DTNA: variants seen among roughly 807,000 people sequenced by gnomAD.
The protein encoded by DTNA is dystrophin-related protein 3.
In DTNA, 43 loss-of-function variants were observed where a neutral mutation model predicts 100.7. The ratio of observed to expected loss-of-function variants is 0.43; its 90% CI spans 0.33 to 0.55. The LOEUF (loss-of-function observed/expected upper bound fraction) is 0.55. Ranked by LOEUF, DTNA falls within the 20% of genes least tolerant of loss-of-function variation. DTNA has a pLI of 0.04. For synonymous variants in DTNA, 349 were observed against 347.9 expected (o/e 1.00, Z -0.04); for missense variants, 798 against 953.9 (o/e 0.84, Z 2.15).
intron 3 of DTNA, among the ~76,000 whole-genome samples, chr18:34,769,896 T>C (rs2093680620): frequency 6.6e-6 from 1 of 151,822 alleles, no homozygotes; most frequent in Admixed American, 6.6e-5. Flanking sequence ...TAATTTTGTA[T>C]TTTTAGTACA....
intron 6 of DTNA, among the ~76,000 whole-genome samples, chr18:34,813,841 C>CAAA (rs34385959): frequency 1.4e-4 from 10 of 71,542 alleles, no homozygotes; most frequent in East Asian, 1.1e-3. Flanking sequence ...GACTCCATCT[C>CAAA]AAAAAAAAAA....
In DTNA at chr18:34,753,495, G is replaced by A. The variant is rs1046752687; in HGVS notation, c.-1-2481G>A. On this transcript the variant is annotated intron_variant, in intron 1 of 22. Coordinates refer to ENST00000444659, the MANE Select transcript of DTNA (RefSeq NM_001386795.1). ...CCTCCCGGGTTCACGCCATTCTCCT[G>A]CCTCAGCCTCCCAAGTAGCTGGGAC... Among the ~76,000 whole-genome samples the A allele has an allele frequency of 7.7e-4, 110 of 143,226 alleles. 1 individual carries two copies. The highest frequency in any genetic ancestry group is 1.4e-3 in the Non-Finnish European group (94 of 66,484). The allele number at this position is 143,226 out of a possible 152,430, so 94.0% of individuals were successfully genotyped here. A position where few individuals can be genotyped will look rare whatever the true frequency, so the allele number is the denominator to read the frequency against.
At chr18:34,663,237 T>C (rs1385985133) in intron 1 of DTNA, among the ~76,000 whole-genome samples, 1 of 152,172 alleles carries the variant, frequency 6.6e-6, no homozygotes, top group Admixed American at 6.5e-5. Context: ...CACTGCAGCC[T>C]TGACCCCGTG....
intron 5 of DTNA, among the ~76,000 whole-genome samples, chr18:34,808,781 T>A (rs943920772): frequency 1.3e-5 from 2 of 152,198 alleles, no homozygotes; most frequent in Admixed American, 6.5e-5. Flanking sequence ...AAGTCTATCC[T>A]CTTTAGGGCA....
intron 1 of DTNA, among the ~76,000 whole-genome samples, chr18:34,625,755 C>A (rs2057234517): frequency 6.6e-6 from 1 of 152,104 alleles, no homozygotes; most frequent in African/African-American, 2.4e-5. Flanking sequence ...GAAATAACAT[C>A]TTGGAGAAGG....
chr18:34,842,041 T>C (rs1201632662), intron 13 of DTNA, among the ~76,000 whole-genome samples: 3 of 152,158 alleles, frequency 2.0e-5, no homozygotes, highest in Non-Finnish European at 4.4e-5. Flanking sequence ...GTATGCACCT[T>C]CCTCATTGCA....
chr18:34,768,378 G>T (rs756197381), intron 3 of DTNA, among the ~76,000 whole-genome samples: 4 of 152,124 alleles, frequency 2.6e-5, no homozygotes, highest in Non-Finnish European at 5.9e-5. Context: ...GGAAGGAAGG[G>T]CTCAGGGAAT....
chr18:34,724,784 T>C (rs893629969), intron 1 of DTNA, among the ~76,000 whole-genome samples: 11 of 152,140 alleles, frequency 7.2e-5, no homozygotes, highest in African/African-American at 2.7e-4. Flanking sequence ...GGTCAGATCC[T>C]AGGCAAAAAG....
chr18:34,645,468 C>T (rs2059729578), intron 1 of DTNA, among the ~76,000 whole-genome samples: 1 of 151,960 alleles, frequency 6.6e-6, no homozygotes, highest in Admixed American at 6.6e-5. Flanking sequence ...AAAATTTAGG[C>T]TTTGTTGAAG....
chr18:34,790,852 T>C (rs1295597428), intron 3 of DTNA, among the ~76,000 whole-genome samples: 2 of 151,972 alleles, frequency 1.3e-5, no homozygotes, highest in Non-Finnish European at 2.9e-5. Flanking sequence ...GTGGTGGCAA[T>C]AAAGGTTCAT....
chr18:34,879,649 G>T lies in DTNA; in HGVS notation c.2092G>T (p.Ala698Ser), dbSNP rs2096852836. 3.7e-6 allele frequency: 6 copies of T among 1,614,078 alleles called. No homozygotes were observed. The highest frequency in any genetic ancestry group is 5.1e-6 in the Non-Finnish European group (6 of 1,179,984). ...PSPTSEKAFL[A>S]QIHARKPGYI... is the part of the protein sequence containing the mutation. ...ACCAACCTCTGAAAAGGCTTTTCTAGCGCAAATCCATGCCCGAAAACCTGG... is the reference window on the plus strand; with the variant it reads ...ACCAACCTCTGAAAAGGCTTTTCTATCGCAAATCCATGCCCGAAAACCTGG... The change falls in exon 20 of 23, where the codon GCG (alanine) becomes TCG (serine). Residue 698 changes from alanine (A) to serine (S), a missense_variant. Ala to Ser is a moderately conservative substitution (Grantham distance 99). Coordinates refer to ENST00000444659, the MANE Select transcript of DTNA (RefSeq NM_001386795.1).
intron 1 of DTNA, among the ~76,000 whole-genome samples, chr18:34,669,385 G>T (rs2076418883): frequency 1.3e-5 from 2 of 152,102 alleles, no homozygotes. Context: ...TATCCAATTT[G>T]CCAGTCTGTG....
intron 1 of DTNA, among the ~76,000 whole-genome samples, chr18:34,601,522 A>C (rs946966333): frequency 2.6e-5 from 4 of 152,178 alleles, no homozygotes; most frequent in Non-Finnish European, 5.9e-5. Flanking sequence ...AAGGACTGGA[A>C]TATTTATGTA....
At chr18:34,634,722 A>G (rs1489616302) in intron 1 of DTNA, among the ~76,000 whole-genome samples, 1 of 152,206 alleles carries the variant, frequency 6.6e-6, no homozygotes, top group African/African-American at 2.4e-5. Flanking sequence ...TAACAAATAT[A>G]AATTGTATAC....
rs757311676 is a variant in DTNA at position 34,879,595 on chromosome 18, C to T, written c.2038C>T (p.Arg680Trp). 3.1e-6 allele frequency: 5 copies of T among 1,613,984 alleles called. No individual in the cohort carries two copies. The highest frequency in any genetic ancestry group is 4.2e-6 in the Non-Finnish European group (5 of 1,179,974). The change falls in exon 20 of 23, where the codon CGG (arginine) becomes TGG (tryptophan). Residue 680 changes from arginine (R) to tryptophan (W), a missense_variant. This residue lies in a region of DTNA where 242 missense variants were observed against 238.2 expected (regional missense o/e 1.02). Transcript: ENST00000444659. The part of the protein sequence containing the change: ...TESNVDSEFA[R>W]TQFEDLVPSP... ...GAGTAATGTGGATTCTGAATTTGCA[C>T]GGACTCAGTTTGAGGATCTTGTTCC...
chr18:34,652,070 GAAAGA>G (rs1298340099), intron 1 of DTNA, among the ~76,000 whole-genome samples: 1 of 146,532 alleles, frequency 6.8e-6, no homozygotes, highest in African/African-American at 2.6e-5. Context: ...TGTCTCAAAA[GAAAGA>G]AAAGAAAAAA....
At chr18:34,803,975 C>T (rs1302917112) in intron 4 of DTNA, among the ~76,000 whole-genome samples, 1 of 152,218 alleles carries the variant, frequency 6.6e-6, no homozygotes, top group South Asian at 2.1e-4. Flanking sequence ...AAAACATCAT[C>T]TCTGCACTGA....
intron 1 of DTNA, among the ~76,000 whole-genome samples, chr18:34,540,279 A>T (rs1020245996): frequency 6.6e-6 from 1 of 152,008 alleles, no homozygotes; most frequent in Non-Finnish European, 1.5e-5. Flanking sequence ...AAAAATATTA[A>T]AGTTGTGGAA....
chr18:34,882,181 C>A lies in DTNA; in HGVS notation c.2275C>A (p.Leu759Met). Residue 759 changes from leucine to methionine, a missense_variant, in exon 21 of 23, where the codon CTG becomes ATG. By Grantham distance (15) the Leu-to-Met change is conservative. This residue lies in a region of DTNA where 242 missense variants were observed against 238.2 expected (regional missense o/e 1.02). Transcript: ENST00000444659. ...LQMEEYLKQKLQDEAYQVSLQ... is the reference protein window; with the variant it reads ...LQMEEYLKQKMQDEAYQVSLQ... ...GATGGAGGAATACCTGAAACAGAAGCTGCAAGATGAAGCTTATCAGGTACA... is the reference window on the plus strand; with the variant it reads ...GATGGAGGAATACCTGAAACAGAAGATGCAAGATGAAGCTTATCAGGTACA... 1 of 1,613,992 alleles carries A rather than the reference C, an allele frequency of 6.2e-7. No individual in the cohort carries two copies. The highest frequency in any genetic ancestry group is 1.1e-5 in the South Asian group (1 of 91,080).
Sources: allele counts gnomAD v4.1 joint callset (sites outside exome capture counted in the v4.1 genomes callset), GRCh38; gene constraint gnomAD v4.1.1; regional missense constraint gnomAD v4.1.1; transcripts MANE v1.5; gene names NCBI Gene and HGNC (gene_info 2026-07-23, HGNC 2026-07-21).